PDE4B: variants seen among roughly 807,000 people sequenced by gnomAD.
PDE4B encodes 3',5'-cyclic-AMP phosphodiesterase 4B.
PDE4B carries 20 observed loss-of-function variants against 82.2 expected under a neutral mutation model. The ratio of observed to expected loss-of-function variants is 0.24; its 90% CI spans 0.17 to 0.35. The LOEUF (loss-of-function observed/expected upper bound fraction) is 0.35, where lower values mean the gene tolerates loss of function less well. Among genes scored for constraint, PDE4B ranks in the 10% least tolerant of loss-of-function variants. The probability of loss-of-function intolerance (pLI) is 1.00; values close to 1 mark genes in which losing one functional copy is unlikely to be tolerated. For missense variants in PDE4B, 655 were observed against 907.2 expected (o/e 0.72, Z 3.57); for synonymous variants, 320 against 318.9 (o/e 1.00, Z -0.04).
chr1:65,995,586 T>C (rs1463712459), intron 3 of PDE4B, among the ~76,000 whole-genome samples: 1 of 152,200 alleles, frequency 6.6e-6, no homozygotes, highest in African/African-American at 2.4e-5. Flanking sequence ...TAAACTTTTC[T>C]TTCTTGAGTT....
At chr1:66,251,799 A>G (rs1022666187) in intron 4 of PDE4B, among the ~76,000 whole-genome samples, 1 of 152,178 alleles carries the variant, frequency 6.6e-6, no homozygotes, top group Non-Finnish European at 1.5e-5. Context: ...ATATGAGAGG[A>G]TGAGGAAGTG....
intron 1 of PDE4B, among the ~76,000 whole-genome samples, chr1:65,900,532 A>G (rs1210176499): frequency 6.6e-6 from 1 of 152,026 alleles, no homozygotes; most frequent in African/African-American, 2.4e-5. Context: ...CTGAATTTAT[A>G]GATTGCTTTG....
At position 66,373,949 on chromosome 1, in the gene PDE4B, A is replaced by C. The variant is rs991202540; in HGVS notation, c.*1271A>C. 3 of 152,640 alleles carry C rather than the reference A, an allele frequency of 2.0e-5. No individual in the cohort carries two copies. Among genetic ancestry groups the C allele is most frequent in the African/African-American group, 7.2e-5 (3 of 41,444 alleles). 9.5% of individuals were successfully genotyped at this position (152,640 alleles called of 1,614,324 possible). On this transcript the variant is annotated 3_prime_UTR_variant, in exon 17 of 17. Coordinates refer to ENST00000341517, the MANE Select transcript of PDE4B (RefSeq NM_002600.4). ...GTTTTGGAAACAATATTCTCACATT[A>C]GATACTAAATGGTTTATACTGAGCT...
At chr1:65,923,965 T>G (rs1647351864) in intron 3 of PDE4B, among the ~76,000 whole-genome samples, 1 of 151,998 alleles carries the variant, frequency 6.6e-6, no homozygotes, top group South Asian at 2.1e-4. Context: ...TAAATGTATT[T>G]TATAAACTTC....
chr1:66,108,843 A>G (rs547559191), intron 3 of PDE4B, among the ~76,000 whole-genome samples: 18 of 151,978 alleles, frequency 1.2e-4, no homozygotes, highest in Non-Finnish European at 2.1e-4. Flanking sequence ...GATTCAACTG[A>G]CTCATCAAAT....
At chr1:66,236,293 T>A (rs1436198471) in intron 3 of PDE4B, among the ~76,000 whole-genome samples, 1 of 152,222 alleles carries the variant, frequency 6.6e-6, no homozygotes, top group African/African-American at 2.4e-5. Flanking sequence ...ATCTTCAGAA[T>A]ACCCTTCTAT....
In PDE4B at chr1:66,160,445, C is replaced by T. The variant is rs527352723; in HGVS notation, c.282-87015C>T. On this transcript the variant is annotated intron_variant, in intron 3 of 16. Coordinates refer to ENST00000341517, the MANE Select transcript of PDE4B (RefSeq NM_002600.4). ...TCCTTTCTATGGATGCAACCCCCAA[C>T]GCATAAAAAGTTAAATCACTTTTTA... Among the ~76,000 whole-genome samples the T allele has an allele frequency of 5.9e-5, 9 of 152,284 alleles. No individual in the cohort carries two copies. The South Asian group carries it at 8.3e-4, about 14-fold the overall frequency.
intron 1 of PDE4B, among the ~76,000 whole-genome samples, chr1:65,870,741 ATATCT>A (rs1385019743): frequency 6.6e-6 from 1 of 152,116 alleles, no homozygotes; most frequent in African/African-American, 2.4e-5. Context: ...AGTACGACAA[ATATCT>A]TATTATTACT....
At chr1:66,222,796 ATG>A (rs1366647577) in intron 3 of PDE4B, among the ~76,000 whole-genome samples, 11 of 152,244 alleles carry the variant, frequency 7.2e-5, no homozygotes, top group African/African-American at 2.7e-4. Context: ...CGCTCAAGAA[ATG>A]TGAGTTGTTC....
At chr1:66,356,642 C>A (rs1438814306) in intron 9 of PDE4B, among the ~76,000 whole-genome samples, 1 of 152,186 alleles carries the variant, frequency 6.6e-6, no homozygotes, top group Non-Finnish European at 1.5e-5. Flanking sequence ...GAAACAAATA[C>A]CTTTTCTGGT....
At chr1:66,114,558 C>T (rs1199871617) in intron 3 of PDE4B, among the ~76,000 whole-genome samples, 1 of 151,652 alleles carries the variant, frequency 6.6e-6, no homozygotes, top group African/African-American at 2.4e-5. Flanking sequence ...TAAAAAGAAA[C>T]CCCTTAAAGA....
chr1:66,048,184 T>C (rs2100850796), intron 3 of PDE4B, among the ~76,000 whole-genome samples: 1 of 152,060 alleles, frequency 6.6e-6, no homozygotes. Flanking sequence ...ACTGCCATTA[T>C]CACTTCCTTT....
At chr1:66,151,410 C>A (rs1646391602) in intron 3 of PDE4B, among the ~76,000 whole-genome samples, 1 of 152,164 alleles carries the variant, frequency 6.6e-6, no homozygotes, top group Non-Finnish European at 1.5e-5. Context: ...ACACTTTAAG[C>A]ATCTTCCATG....
intron 3 of PDE4B, among the ~76,000 whole-genome samples, chr1:65,932,328 G>T (rs143164147): frequency 6.6e-6 from 1 of 151,984 alleles, no homozygotes; most frequent in Non-Finnish European, 1.5e-5. Flanking sequence ...CTTTTCTGGG[G>T]GCTACTTGAG....
chr1:65,825,370 G>C (rs1206422360), intron 1 of PDE4B, among the ~76,000 whole-genome samples: 1 of 152,178 alleles, frequency 6.6e-6, no homozygotes, highest in African/African-American at 2.4e-5. Flanking sequence ...TGATGACCCT[G>C]TTTAGCAAAG....
chr1:66,196,959 C>G (rs1024437020), intron 3 of PDE4B, among the ~76,000 whole-genome samples: 27 of 151,354 alleles, frequency 1.8e-4, no homozygotes, highest in African/African-American at 6.6e-4. Context: ...TAAAGTATAA[C>G]AATAATAAAA....
chr1:65,857,734 C>G (rs1646409418), intron 1 of PDE4B, among the ~76,000 whole-genome samples: 1 of 152,160 alleles, frequency 6.6e-6, no homozygotes, highest in African/African-American at 2.4e-5. Flanking sequence ...GCCAAAAACA[C>G]CATTGGGCAT....
At chr1:66,045,695 A>G (rs1487476498) in intron 3 of PDE4B, among the ~76,000 whole-genome samples, 1 of 151,302 alleles carries the variant, frequency 6.6e-6, no homozygotes, top group Non-Finnish European at 1.5e-5. Context: ...GATGTAATAT[A>G]TATATAGATG....
chr1:66,159,430 T>C (rs1043672999), intron 3 of PDE4B, among the ~76,000 whole-genome samples: 1 of 151,042 alleles, frequency 6.6e-6, no homozygotes, highest in Non-Finnish European at 1.5e-5. Flanking sequence ...GTATTTTTAG[T>C]ACAGAAGGGG....
Sources: allele counts gnomAD v4.1 joint callset (sites outside exome capture counted in the v4.1 genomes callset), GRCh38; gene constraint gnomAD v4.1.1; transcripts MANE v1.5; gene names NCBI Gene and HGNC (gene_info 2026-07-23, HGNC 2026-07-21).